Variants in ROBO1 observed in about 807,000 individuals in gnomAD.
ROBO1 encodes the protein roundabout guidance receptor 1.
In ROBO1, 149 loss-of-function variants were observed where a neutral mutation model predicts 195.9. The observed-to-expected ratio is 0.76, with a 90% confidence interval of 0.67 to 0.87. The LOEUF (loss-of-function observed/expected upper bound fraction) is 0.87. ROBO1 is among the 40% of genes least tolerant of loss of function. The pLI, the probability that ROBO1 is intolerant of heterozygous loss-of-function variation, is 0.00. For missense variants in ROBO1, 1,933 were observed against 2,068.3 expected (o/e 0.93, Z 1.27); for synonymous variants, 816 against 733.2 (o/e 1.11, Z -1.82).
chr3:78,777,149 C>G (rs2083531209), intron 4 of ROBO1, among the ~76,000 whole-genome samples: 2 of 152,008 alleles, frequency 1.3e-5, no homozygotes, highest in African/African-American at 4.8e-5. Flanking sequence ...TAGCAAACTT[C>G]TGAAATATGC....
In ROBO1 at chr3:78,905,068, C is replaced by T. The variant is rs557631257; in HGVS notation, c.499+33533G>A. On this transcript the variant is annotated intron_variant, in intron 4 of 30. Coordinates refer to ENST00000464233, the MANE Select transcript of ROBO1 (RefSeq NM_002941.4). ...TAAATAATTTCCTAAGTTGCTTCTA[C>T]CATATTTAAAAGTAATTAAAACATA... Among the ~76,000 whole-genome samples the T allele has an allele frequency of 3.9e-3, 595 of 152,012 alleles. 1 individual carries two copies. Among genetic ancestry groups the T allele is most frequent in the Non-Finnish European group, 7.1e-3 (482 of 67,978 alleles).
chr3:78,673,480 A>C (rs1708184120), intron 10 of ROBO1, among the ~76,000 whole-genome samples: 1 of 142,794 alleles, frequency 7.0e-6, no homozygotes, highest in East Asian at 2.0e-4. Flanking sequence ...AAAAATATAT[A>C]TATAATATAA....
intron 4 of ROBO1, among the ~76,000 whole-genome samples, chr3:78,755,141 A>G (rs2082896008): frequency 6.6e-6 from 1 of 152,174 alleles, no homozygotes; most frequent in Non-Finnish European, 1.5e-5. Context: ...TGTTCATTCT[A>G]GCTGCTCTGT....
chr3:78,731,824 G>T (rs1291163361), intron 5 of ROBO1, among the ~76,000 whole-genome samples: 4 of 152,042 alleles, frequency 2.6e-5, no homozygotes, highest in Admixed American at 6.6e-5. Flanking sequence ...ATTATGTCCT[G>T]TGTGTAAACC....
chr3:79,095,829 C>T (rs1226731727), intron 3 of ROBO1, among the ~76,000 whole-genome samples: 1 of 151,870 alleles, frequency 6.6e-6, no homozygotes, highest in Non-Finnish European at 1.5e-5. Context: ...CATTTTTTCA[C>T]TTTATGTGAC....
intron 5 of ROBO1, among the ~76,000 whole-genome samples, chr3:78,733,412 GA>G (rs1451437106): frequency 6.6e-6 from 1 of 151,376 alleles, no homozygotes; most frequent in Non-Finnish European, 1.5e-5. Flanking sequence ...TTTTTTTAAA[GA>G]TTACAATTCA....
intron 1 of ROBO1, among the ~76,000 whole-genome samples, chr3:79,762,119 G>A (rs577885893): frequency 6.6e-6 from 1 of 152,138 alleles, no homozygotes. Flanking sequence ...TAGGTGCCTT[G>A]TAAACAATAG....
At chr3:79,116,526 C>CT (rs550347378) in intron 3 of ROBO1, among the ~76,000 whole-genome samples, 2,380 of 117,866 alleles carry the variant, frequency 0.02, 31 homozygotes, top group African/African-American at 0.029. Flanking sequence ...TCTCTTTCTT[C>CT]TTTTTTTTTT....
Position 78,880,629 on chromosome 3 carries a change from C to T in ROBO1, c.499+57972G>A, listed in dbSNP as rs887395720. Among the ~76,000 whole-genome samples the T allele has an allele frequency of 7.2e-5, 11 of 152,212 alleles. 1 individual carries two copies. In the South Asian group the frequency reaches 1.9e-3, roughly 26 times the overall value. ...AAAATGCAAAATGTCAAGAAAATTG[C>T]AAATTTAAATGGTGCCACAACCAGG... On this transcript the variant is annotated intron_variant, in intron 4 of 30. Transcript: ENST00000464233.
intron 4 of ROBO1, among the ~76,000 whole-genome samples, chr3:78,934,517 C>T: frequency 6.6e-6 from 1 of 151,860 alleles, no homozygotes; most frequent in East Asian, 1.9e-4. Flanking sequence ...CAATTTCAAA[C>T]ATAAAAAGTC....
chr3:78,820,171 T>C (rs1478628146), intron 4 of ROBO1, among the ~76,000 whole-genome samples: 1 of 152,240 alleles, frequency 6.6e-6, no homozygotes, highest in African/African-American at 2.4e-5. Context: ...TACGCAAATT[T>C]CTTTAAGACA....
intron 2 of ROBO1, chr3:79,532,957 T>G (rs1415755463): frequency 7.2e-6 from 2 of 279,556 alleles, no homozygotes; most frequent in Admixed American, 9.8e-5. Context: ...TTAGGCATTA[T>G]ATGTAATAGT....
chr3:79,602,035 A>C (rs571753626), intron 1 of ROBO1, among the ~76,000 whole-genome samples: 25 of 152,098 alleles, frequency 1.6e-4, no homozygotes, highest in Non-Finnish European at 3.4e-4. Context: ...ATTAATACTT[A>C]AATGAGCTGC....
chr3:78,758,300 C>A (rs759090996), intron 4 of ROBO1, among the ~76,000 whole-genome samples: 16 of 152,098 alleles, frequency 1.1e-4, no homozygotes, highest in Non-Finnish European at 2.2e-4. Context: ...AGGAGGACTG[C>A]CTGCGCCCAG....
chr3:79,083,804 C>T (rs544775231), intron 3 of ROBO1, among the ~76,000 whole-genome samples: 5 of 152,246 alleles, frequency 3.3e-5, no homozygotes, highest in Non-Finnish European at 5.9e-5. Flanking sequence ...TCTCAGGGTT[C>T]TTATCTAGAG....
intron 3 of ROBO1, among the ~76,000 whole-genome samples, chr3:78,961,980 G>A (rs1169523776): frequency 4.6e-5 from 7 of 150,912 alleles, no homozygotes; most frequent in African/African-American, 1.7e-4. Context: ...TTACTGGGTC[G>A]GTTTCTTCAT....
intron 4 of ROBO1, among the ~76,000 whole-genome samples, chr3:78,926,107 G>C (rs1560007919): frequency 6.6e-6 from 1 of 151,998 alleles, no homozygotes; most frequent in African/African-American, 2.4e-5. Flanking sequence ...CTGACCTCAT[G>C]ATCCACCCGC....
intron 3 of ROBO1, among the ~76,000 whole-genome samples, chr3:78,971,737 A>C (rs2076770624): frequency 6.6e-6 from 1 of 151,772 alleles, no homozygotes; most frequent in Admixed American, 6.6e-5. Flanking sequence ...GACATCTTTT[A>C]AATATTTTTT....
intron 1 of ROBO1, among the ~76,000 whole-genome samples, chr3:79,724,380 C>G (rs1179194748): frequency 6.6e-6 from 1 of 152,114 alleles, no homozygotes; most frequent in Non-Finnish European, 1.5e-5. Context: ...TATTCGCTGC[C>G]CCCTGGTGTT....
Sources: gnomAD v4.1 joint callset for allele counts (sites outside exome capture counted in the v4.1 genomes callset) on GRCh38, gnomAD v4.1.1 for gene constraint, MANE v1.5 for transcripts, NCBI Gene and HGNC (gene_info 2026-07-23, HGNC 2026-07-21) for gene names.